PKLR: variants seen among roughly 807,000 people sequenced by gnomAD.
PKLR encodes pyruvate kinase PKLR.
PKLR carries 38 observed loss-of-function variants against 53.6 expected under a neutral mutation model. The ratio of observed to expected loss-of-function variants is 0.71; its 90% confidence interval spans 0.55 to 0.93. The LOEUF (loss-of-function observed/expected upper bound fraction) is 0.93, where lower values mean the gene tolerates loss of function less well. PKLR is among the 40% of genes least tolerant of loss of function. The pLI is 0.00. For synonymous variants in PKLR, 328 were observed against 316.2 expected (o/e 1.04, Z -0.39); for missense variants, 702 against 787.3 (o/e 0.89, Z 1.30).
At chr1:155,298,641 T>TAAA (rs766002296) in intron 2 of PKLR, among the ~76,000 whole-genome samples, 22 of 150,054 alleles carry the variant, frequency 1.5e-4, no homozygotes, top group African/African-American at 5.2e-4. Flanking sequence ...TTTCTTTTTT[T>TAAA]AAAAACAAAC....
At chr1:155,291,563 C>T (rs1056121143) in intron 10 of PKLR, among the ~76,000 whole-genome samples, 193 bp downstream of exon 10, 2 of 152,042 alleles carry the variant, frequency 1.3e-5, no homozygotes, top group Middle Eastern at 3.4e-3. Flanking sequence ...GCACGGCCGT[C>T]TGCCTGTGTG....
At chr1:155,300,617 A>C in intron 1 of PKLR, among the ~76,000 whole-genome samples, 1 of 151,300 alleles carries the variant, frequency 6.6e-6, no homozygotes, top group Admixed American at 6.6e-5. Context: ...ACAACCCAGG[A>C]CCCCCCGACC....
In PKLR at chr1:155,300,122, T is replaced by A. The variant is rs754454017; in HGVS notation, c.259A>T (p.Ser87Cys). Residue 87 changes from serine (S) to cysteine (C), a missense_variant, in exon 2 of 11, where the codon AGT becomes TGT. By Grantham distance (112) the Ser-to-Cys change is moderately radical (BLOSUM62 -1). Transcript: ENST00000342741. ...CCGATGGTGGCAATGATGCTGGTAC[T>A]GCGAGCAGCCACGGGCTCGGAGTCA... ...DIDSEPVAAR[S>C]TSIIATIGPA... 60 of 1,613,784 alleles carry A rather than the reference T, an allele frequency of 3.7e-5. No homozygotes were observed. Among genetic ancestry groups the A allele is most frequent in the Non-Finnish European group, 5.1e-5 (60 of 1,180,036 alleles).
At chr1:155,306,545 G>A in the PKLR span, among the ~76,000 whole-genome samples, 6 of 152,192 alleles carry the variant, frequency 3.9e-5, no homozygotes, top group Admixed American at 3.9e-4. This position sits in a 1 kb window ranked among gnomAD's most constrained non-coding sequence, Gnocchi z 4.2. Context: ...AGCATTGTGA[G>A]TGAGGGCAGA....
At position 155,290,339 on chromosome 1, in the gene PKLR, C is replaced by T. The variant is rs1674476829; in HGVS notation, c.*233G>A. 5.2e-6 allele frequency: 3 copies of T among 574,650 alleles called. No homozygotes were observed. The highest frequency in any genetic ancestry group is 9.4e-6 in the Non-Finnish European group (3 of 319,774). 35.6% of individuals were successfully genotyped at this position (574,650 alleles called of 1,614,324 possible). The stretch of plus-strand genomic sequence containing the variant: ...AATTGGTGCTGTTGGGTGGCCAGTG[C>T]ATAATTGGACACAGACTTTCAGGAC... On this transcript the variant is annotated 3_prime_UTR_variant, in exon 11 of 11. Coordinates refer to ENST00000342741, the MANE Select transcript of PKLR (RefSeq NM_000298.6).
intron 2 of PKLR, among the ~76,000 whole-genome samples, chr1:155,299,049 T>TTCCTTCC (rs1647821937): frequency 3.1e-5 from 4 of 130,504 alleles, no homozygotes; most frequent in Non-Finnish European, 6.5e-5. Flanking sequence ...TCTTTCTTTC[T>TTCCTTCC]TTCCTTCCTT....
chr1:155,301,229 A>C, intron 1 of PKLR, 67 bp downstream of exon 1: 1 of 1,572,750 alleles, frequency 6.4e-7, no homozygotes, highest in Non-Finnish European at 8.7e-7. Context: ...TATGCCCTCC[A>C]CCCTGGCTCC....
In PKLR at chr1:155,290,506, G is replaced by A; in HGVS notation, c.*66C>T. ...GGGCTTTGGAGGGGTGTGGGCTGGA[G>A]AACGTAGACTGGGGAGGAAGGGATG... On this transcript the variant is annotated 3_prime_UTR_variant, in exon 11 of 11. Coordinates refer to ENST00000342741, the MANE Select transcript of PKLR (RefSeq NM_000298.6). 3.1e-6 allele frequency: 3 copies of A among 956,528 alleles called. No individual in the cohort carries two copies. Among genetic ancestry groups the A allele is most frequent in the Non-Finnish European group, 5.1e-6 (3 of 591,578 alleles). The allele number at this position is 956,528 out of a possible 1,614,324, so 59.3% of individuals were successfully genotyped here. A position where few individuals can be genotyped will look rare whatever the true frequency, so the allele number is the denominator to read the frequency against.
intron 10 of PKLR, 118 bp downstream of exon 10, chr1:155,291,638 C>G (rs572373500): frequency 2.3e-6 from 2 of 867,064 alleles, no homozygotes; most frequent in Admixed American, 3.6e-5. Context: ...GTGACTCTCA[C>G]AGGGAAAACC....
intron 9 of PKLR, among the ~76,000 whole-genome samples, chr1:155,292,603 C>T (rs999835275): frequency 1.3e-5 from 2 of 152,206 alleles, no homozygotes; most frequent in East Asian, 1.9e-4. Flanking sequence ...CACCATTTTA[C>T]TCCAGCCTGA....
At chr1:155,294,086 T>C (rs1647392111) in intron 7 of PKLR, 149 bp downstream of exon 7, 1 of 878,234 alleles carries the variant, frequency 1.1e-6, no homozygotes, top group Non-Finnish European at 1.9e-6. Flanking sequence ...TGAGCGGAGA[T>C]TGCGCCACTG....
At chr1:155,301,883 G>A (rs1039808810), upstream of PKLR, among the ~76,000 whole-genome samples, 3 of 150,562 alleles carry the variant, frequency 2.0e-5, no homozygotes, top group Non-Finnish European at 4.4e-5. Flanking sequence ...GCATGTTTTC[G>A]CCTACATGTT....
chr1:155,294,528 C>G lies in PKLR; in HGVS notation c.919G>C (p.Gly307Arg), dbSNP rs373990660. ...VRAALGPEGH[G>R]IKIISKIENH... ...TCAATTTTGCTGATGATCTTGATGC[C>G]GTGTCCTTCCGGACCCAGAGCAGCC... The change falls in exon 6 of 11, where the codon GGC becomes CGC. Residue 307 changes from glycine to arginine, a missense_variant. Physicochemically the swap from Gly to Arg is moderately radical, Grantham distance 125. Coordinates refer to ENST00000342741, the MANE Select transcript of PKLR (RefSeq NM_000298.6). 6 of 1,614,222 alleles carry G rather than the reference C, an allele frequency of 3.7e-6. No homozygotes were observed. Among genetic ancestry groups the G allele is most frequent in the East Asian group, 2.2e-5 (1 of 44,892 alleles).
Position 155,294,352 on chromosome 1 carries a change from G to A in PKLR, c.999C>T (p.Ile333=). ...FDEILEVSDG[I]MVARGDLGIE... is the part of the protein sequence containing the mutation. ...TGCCTAGGTCCCCCCGTGCCACCAT[G>A]ATGCCGTCGCTCACCTCCAGGATTT... is the stretch of plus-strand genomic sequence containing the variant. Residue 333 remains isoleucine, a synonymous_variant, in exon 7 of 11, where the codon ATC becomes ATT. Coordinates refer to ENST00000342741, the MANE Select transcript of PKLR (RefSeq NM_000298.6). The A allele has an allele frequency of 6.2e-7, 1 of 1,614,114 alleles. No homozygotes were observed. Among genetic ancestry groups the A allele is most frequent in the Non-Finnish European group, 8.5e-7 (1 of 1,180,014 alleles).
At chr1:155,300,947 T>G (rs1362073428) in intron 1 of PKLR, 1 of 1,591,362 alleles carries the variant, frequency 6.3e-7, no homozygotes, top group Non-Finnish European at 8.6e-7. Context: ...TGTTGGGTTG[T>G]CAGAGGCATG....
intron 5 of PKLR, 146 bp downstream of exon 5, chr1:155,294,970 T>C (rs1647474304): frequency 9.4e-7 from 1 of 1,064,742 alleles, no homozygotes; most frequent in South Asian, 1.3e-5. Flanking sequence ...GAGCGCAGAG[T>C]CTACACGCTG....
chr1:155,298,124 C>A (rs1344924662), intron 2 of PKLR, among the ~76,000 whole-genome samples: 4 of 152,124 alleles, frequency 2.6e-5, no homozygotes, highest in Non-Finnish European at 5.9e-5. Context: ...CTGCTCCCTG[C>A]CTTCCAGTTC....
chr1:155,299,101 C>T (rs938601313), intron 2 of PKLR, among the ~76,000 whole-genome samples: 2 of 149,310 alleles, frequency 1.3e-5, no homozygotes, highest in East Asian at 3.9e-4. Flanking sequence ...TTCTTGCCTG[C>T]TTGCTTTCTT....
upstream of PKLR, among the ~76,000 whole-genome samples, chr1:155,306,097 T>G (rs1371425169): frequency 2.6e-5 from 4 of 152,262 alleles, no homozygotes; most frequent in African/African-American, 9.6e-5. This position sits in a 1 kb window ranked among gnomAD's most constrained non-coding sequence, Gnocchi z 4.2. Flanking sequence ...TGACCTGAAA[T>G]CAGGCCAGTT....
Sources: allele counts gnomAD v4.1 joint callset (sites outside exome capture counted in the v4.1 genomes callset), GRCh38; gene constraint gnomAD v4.1.1; non-coding constraint Gnocchi (gnomAD v3.1); transcripts MANE v1.5; gene names NCBI Gene and HGNC (gene_info 2026-07-23, HGNC 2026-07-21).